Variants in RSRC1 observed in about 807,000 individuals in gnomAD.
The protein encoded by RSRC1 is arginine and serine rich coiled-coil 1, also known as serine/Arginine-related protein 53.
In RSRC1, 39 loss-of-function variants were observed where a neutral mutation model predicts 49.1. That is an observed-to-expected ratio of 0.79 (90% CI 0.61 to 1.04). The LOEUF (loss-of-function observed/expected upper bound fraction) is 1.04. Among genes scored for constraint, RSRC1 ranks in the 50% least tolerant of loss-of-function variants. The pLI, the probability that RSRC1 is intolerant of heterozygous loss-of-function variation, is 0.00. For synonymous variants in RSRC1, 143 were observed against 130.8 expected, an observed-to-expected ratio of 1.09 and a Z score of -0.63; for missense variants, 388 against 402.4, an observed-to-expected ratio of 0.96 and a Z score of 0.31.
At chr3:158,358,915 T>TACAC (rs1264618105) in intron 6 of RSRC1, among the ~76,000 whole-genome samples, 1 of 93,768 alleles carries the variant, frequency 1.1e-5, no homozygotes. Flanking sequence ...TATATATATA[T>TACAC]ACACACAAAC....
chr3:158,318,924 G>A (rs1728609963), intron 5 of RSRC1, among the ~76,000 whole-genome samples: 2 of 152,168 alleles, frequency 1.3e-5, no homozygotes, highest in Non-Finnish European at 2.9e-5. Context: ...GATTTGAAGT[G>A]GAGGAGGGCC....
At chr3:158,372,340 T>C (rs1732127227) in intron 6 of RSRC1, among the ~76,000 whole-genome samples, 2 of 151,928 alleles carry the variant, frequency 1.3e-5, no homozygotes, top group Admixed American at 1.3e-4. Flanking sequence ...TATGATGAAG[T>C]ATGGATTCTG....
chr3:158,525,196 A>G (rs1301212141), intron 7 of RSRC1, among the ~76,000 whole-genome samples: 4 of 152,000 alleles, frequency 2.6e-5, no homozygotes, highest in African/African-American at 9.7e-5. Flanking sequence ...TTCCGTATAT[A>G]TAAAGAACTC....
chr3:158,285,304 G>C (rs1344530653), intron 4 of RSRC1, among the ~76,000 whole-genome samples: 1 of 152,140 alleles, frequency 6.6e-6, no homozygotes. Flanking sequence ...TAGCCTTGTC[G>C]TATAGTTTGA....
intron 4 of RSRC1, among the ~76,000 whole-genome samples, chr3:158,221,143 G>A (rs976443249): frequency 4.6e-5 from 7 of 151,354 alleles, no homozygotes; most frequent in African/African-American, 9.7e-5. Context: ...ATCTTTAGTC[G>A]GTTTCTACTT....
intron 5 of RSRC1, among the ~76,000 whole-genome samples, chr3:158,340,334 A>G (rs1172910375): frequency 2.0e-5 from 3 of 152,132 alleles, no homozygotes; most frequent in Admixed American, 6.5e-5. Context: ...CAAGGTCAGG[A>G]GTTCAAGACC....
chr3:158,408,885 T>C (rs550480464), intron 6 of RSRC1, among the ~76,000 whole-genome samples: 1 of 151,992 alleles, frequency 6.6e-6, no homozygotes, highest in Admixed American at 6.5e-5. Flanking sequence ...ATATAAAAAT[T>C]AGCTGGACAT....
intron 7 of RSRC1, among the ~76,000 whole-genome samples, chr3:158,533,998 C>G (rs1712573744): frequency 6.6e-6 from 1 of 151,552 alleles, no homozygotes; most frequent in Non-Finnish European, 1.5e-5. Flanking sequence ...GCATGTGGGA[C>G]TATTTACTCT....
At chr3:158,394,427 T>A (rs1319181318) in intron 6 of RSRC1, among the ~76,000 whole-genome samples, 2 of 151,934 alleles carry the variant, frequency 1.3e-5, no homozygotes, top group Non-Finnish European at 2.9e-5. Flanking sequence ...CCAAAACTCC[T>A]ATATTTTGTA....
At chr3:158,229,468 A>G (rs1357159203) in intron 4 of RSRC1, among the ~76,000 whole-genome samples, 2 of 150,508 alleles carry the variant, frequency 1.3e-5, no homozygotes, top group African/African-American at 4.9e-5. Context: ...ATGTATATAC[A>G]TAATTATATT....
At chr3:158,123,725 C>T in intron 2 of RSRC1, 141 bp from the exon 3 acceptor site, 1 of 691,662 alleles carries the variant, frequency 1.4e-6, no homozygotes, top group South Asian at 2.0e-5. Flanking sequence ...AGAGAAATAA[C>T]ATTTTAATTT....
intron 3 of RSRC1, among the ~76,000 whole-genome samples, chr3:158,185,264 G>T (rs1382708466): frequency 1.3e-5 from 2 of 151,874 alleles, no homozygotes; most frequent in Non-Finnish European, 2.9e-5. Context: ...ATTTGGCTAG[G>T]TGAGAAAACA....
intron 4 of RSRC1, among the ~76,000 whole-genome samples, chr3:158,295,385 T>C (rs1006284956): frequency 6.6e-6 from 1 of 152,164 alleles, no homozygotes; most frequent in Non-Finnish European, 1.5e-5. Context: ...AACTGCAGTA[T>C]GGTAGGATAC....
intron 3 of RSRC1, among the ~76,000 whole-genome samples, chr3:158,195,950 CTTT>C (rs970984381): frequency 6.6e-6 from 1 of 151,944 alleles, no homozygotes; most frequent in Non-Finnish European, 1.5e-5. Flanking sequence ...CAGCTTTGTT[CTTT>C]TGGCTTAGGA....
At chr3:158,126,125 A>G (rs535143110) in intron 3 of RSRC1, among the ~76,000 whole-genome samples, 65 of 152,146 alleles carry the variant, frequency 4.3e-4, no homozygotes, top group African/African-American at 1.5e-3. Flanking sequence ...ATATACTGTA[A>G]TTGTATTTTG....
chr3:158,305,395 G>A (rs975584278), intron 5 of RSRC1, among the ~76,000 whole-genome samples: 2 of 152,082 alleles, frequency 1.3e-5, no homozygotes, highest in Non-Finnish European at 2.9e-5. Flanking sequence ...TATTCTAAAT[G>A]CATTAAAGTA....
intron 4 of RSRC1, among the ~76,000 whole-genome samples, chr3:158,253,652 G>T (rs1448150058): frequency 6.6e-6 from 1 of 152,090 alleles, no homozygotes; most frequent in Admixed American, 6.6e-5. Context: ...GTCCAGTGCT[G>T]AAATTGGGGT....
chr3:158,298,123 C>T (rs759745594), intron 5 of RSRC1, 48 bp downstream of exon 5: 2 of 1,347,852 alleles, frequency 1.5e-6, no homozygotes, highest in Non-Finnish European at 2.1e-6. Flanking sequence ...TTGATATCTG[C>T]ATTCTAAATG....
intron 6 of RSRC1, among the ~76,000 whole-genome samples, chr3:158,365,305 C>A (rs1332082601): frequency 6.6e-6 from 1 of 152,068 alleles, no homozygotes; most frequent in African/African-American, 2.4e-5. Context: ...CCCTAGTACC[C>A]ACCCCCCGAC....
Sources: allele counts gnomAD v4.1 joint callset (sites outside exome capture counted in the v4.1 genomes callset), GRCh38; gene constraint gnomAD v4.1.1; transcripts MANE v1.5; gene names NCBI Gene and HGNC (gene_info 2026-07-23, HGNC 2026-07-21).